Variants in DOP1A observed in about 807,000 individuals in gnomAD.
DOP1A encodes the protein protein DOP1A.
In DOP1A, 90 loss-of-function variants were observed where a neutral mutation model predicts 267.6. The observed-to-expected ratio is 0.34, with a 90% CI of 0.28 to 0.40. The LOEUF is 0.40. DOP1A is among the 10% of genes least tolerant of loss of function. The pLI is 1.00. For missense variants in DOP1A, 2,437 were observed against 2,900.4 expected, an observed-to-expected ratio of 0.84 and a Z score of 3.67; for synonymous variants, 932 against 999.1, an observed-to-expected ratio of 0.93 and a Z score of 1.27.
At chr6:83,153,761 T>C in intron 31 of DOP1A, 133 bp from the exon 32 acceptor site, 1 of 1,173,818 alleles carries the variant, frequency 8.5e-7, no homozygotes, top group Non-Finnish European at 1.2e-6. Flanking sequence ...AATTCATATA[T>C]TATTTTTCTT....
At chr6:83,165,290 A>T (rs1785204153) in intron 38 of DOP1A, 1 of 152,484 alleles carries the variant, frequency 6.6e-6, no homozygotes. Context: ...TCTAGACTGG[A>T]AGCTAAATAA....
Position 83,134,347 on chromosome 6 carries a change from T to A in DOP1A, c.2870+60T>A, listed in dbSNP as rs1224083849. 2.8e-6 allele frequency: 4 copies of A among 1,407,948 alleles called. No individual in the cohort carries two copies. The East Asian group carries it at 9.5e-5, about 34-fold the overall frequency. 87.2% of individuals were successfully genotyped at this position (1,407,948 alleles called of 1,614,324 possible). A position where few individuals can be genotyped will look rare whatever the true frequency, so the allele number is the denominator to read the frequency against. Reference sequence around the variant, plus strand: ...TATATCTTAATGTTGCCTCTTTCCTTGAGTCCACTGTCTAGCTTGGCAAGT... The same window carrying A: ...TATATCTTAATGTTGCCTCTTTCCTAGAGTCCACTGTCTAGCTTGGCAAGT... On this transcript the variant is annotated intron_variant, in intron 19 of 38. Transcript: ENST00000349129.
intron 1 of DOP1A, among the ~76,000 whole-genome samples, chr6:83,075,780 C>T (rs1167542609): frequency 2.0e-5 from 3 of 152,124 alleles, no homozygotes; most frequent in Non-Finnish European, 1.5e-5. Context: ...TTGGGAAAAA[C>T]TGATATCCCT....
At chr6:83,124,219 G>A (rs1363741235) in intron 12 of DOP1A, among the ~76,000 whole-genome samples, 12 of 152,060 alleles carry the variant, frequency 7.9e-5, no homozygotes, top group Non-Finnish European at 1.5e-4. Flanking sequence ...TTTGTTGGAG[G>A]AATGATCTCT....
rs901097595 is a variant in DOP1A at position 83,145,404 on chromosome 6, A to G, written c.5542-120A>G. 4 of 899,456 alleles carry G rather than the reference A, an allele frequency of 4.4e-6. No individual in the cohort carries two copies. In the African/African-American group the frequency reaches 5.4e-5, roughly 12 times the overall value. 55.7% of individuals were successfully genotyped at this position (899,456 alleles called of 1,614,324 possible). A position where few individuals can be genotyped will look rare whatever the true frequency, so the allele number is the denominator to read the frequency against. On this transcript the variant is annotated intron_variant, in intron 24 of 38. Transcript: ENST00000349129. The stretch of plus-strand genomic sequence containing the variant: ...TTGAGACCAGGCTGGGCAAAATAGC[A>G]AGACCTCATCTCCATTTAAAAAATA...
At position 83,097,099 on chromosome 6, in the gene DOP1A, T is replaced by C. The variant is rs1208833670; in HGVS notation, c.122T>C (p.Leu41Pro). The stretch of plus-strand genomic sequence containing the variant: ...GAATGGGCAGATTTGATATCAGCAC[T>C]TGGAAAACTTAATAAGGTATGTCTG... The part of the protein sequence containing the change: ...SSEWADLISA[L>P]GKLNKVLQNN... The change falls in exon 3 of 39, where the codon CTT becomes CCT. Residue 41 changes from leucine to proline, a missense_variant. By Grantham distance (98) the Leu-to-Pro change is moderately conservative. Transcript: ENST00000349129. 6.2e-7 allele frequency: 1 copy of C among 1,614,004 alleles called. No homozygotes were observed. The highest frequency in any genetic ancestry group is 1.7e-5 in the Admixed American group (1 of 60,016).
intron 37 of DOP1A, chr6:83,161,280 G>GT (rs554757825): frequency 6.6e-5 from 10 of 152,038 alleles, no homozygotes; most frequent in Non-Finnish European, 1.5e-4. Flanking sequence ...ATATTAATTA[G>GT]TTTTTTAAAA....
intron 27 of DOP1A, 150 bp downstream of exon 27, chr6:83,149,013 G>C (rs1781074744): frequency 2.2e-6 from 1 of 457,914 alleles, no homozygotes. Context: ...TATAAGGCCT[G>C]TTTAAGAAAA....
chr6:83,076,207 T>C lies in DOP1A; in HGVS notation c.-147+8428T>C, dbSNP rs540918418. On this transcript the variant is annotated intron_variant, in intron 1 of 38. Transcript: ENST00000349129. ...AATAGACATTTTTCCAAAGATGATATATAAATGGCCAGCAAACATATGAAA... is the reference window on the plus strand; with the variant it reads ...AATAGACATTTTTCCAAAGATGATACATAAATGGCCAGCAAACATATGAAA... Among the ~76,000 whole-genome samples the C allele has an allele frequency of 3.3e-5, 5 of 152,272 alleles. No homozygotes were observed. In the East Asian group the frequency reaches 9.6e-4, roughly 29 times the overall value.
chr6:83,130,295 A>G lies in DOP1A; in HGVS notation c.2514A>G (p.Ala838=). 1 of 1,614,006 alleles carries G rather than the reference A, an allele frequency of 6.2e-7. No individual in the cohort carries two copies. The highest frequency in any genetic ancestry group is 1.1e-5 in the South Asian group (1 of 91,076). The change falls in exon 17 of 39, where the codon GCA becomes GCG. Residue 838 remains alanine, a synonymous_variant. Transcript: ENST00000349129. ...TGENINSVEP[A]QPLSPNQGRV... ...AAAACATCAACAGTGTAGAGCCTGC[A>G]CAACCCTTAAGTCCAAACCAGGGAA...
intron 5 of DOP1A, among the ~76,000 whole-genome samples, chr6:83,109,845 TTTG>T (rs571047057): frequency 1.7e-4 from 26 of 152,272 alleles, no homozygotes; most frequent in Admixed American, 1.3e-3. Flanking sequence ...GGTGGAGTGT[TTTG>T]TTGTTGTTGT....
intron 13 of DOP1A, 130 bp from the exon 14 acceptor site, chr6:83,125,036 A>G (rs1776933738): frequency 4.3e-6 from 4 of 920,716 alleles, no homozygotes; most frequent in Non-Finnish European, 6.6e-6. Context: ...ATGTTATAAA[A>G]TCTTAACTGT....
At position 83,110,183 on chromosome 6, in the gene DOP1A, G is replaced by A. The variant is rs1774312293; in HGVS notation, c.550G>A (p.Ala184Thr). 6.2e-7 allele frequency: 1 copy of A among 1,613,760 alleles called. No homozygotes were observed. The highest frequency in any genetic ancestry group is 8.5e-7 in the Non-Finnish European group (1 of 1,179,854). ...TGTGGACCAGTCAGCATTCTACAGTGCCCTGTGGGGTAGTCTTCTCACCAG... is the reference window on the plus strand; with the variant it reads ...TGTGGACCAGTCAGCATTCTACAGTACCCTGTGGGGTAGTCTTCTCACCAG... ...AAVDQSAFYS[A>T]LWGSLLTSPA... The change falls in exon 6 of 39, where the codon GCC (alanine) becomes ACC (threonine). Residue 184 changes from alanine (A) to threonine (T), a missense_variant. Physicochemically the swap from Ala to Thr is moderately conservative, Grantham distance 58. Around this residue, in one of 9 missense-constraint regions of DOP1A, gnomAD observed 251 missense variants for 359.1 expected, o/e 0.70. Transcript: ENST00000349129.
chr6:83,089,072 C>T (rs546816592), intron 1 of DOP1A, among the ~76,000 whole-genome samples: 1 of 152,262 alleles, frequency 6.6e-6, no homozygotes, highest in South Asian at 2.1e-4. Flanking sequence ...AACACTTAGT[C>T]CCCAGATACA....
chr6:83,162,701 G>A, intron 37 of DOP1A, 89 bp from the exon 38 acceptor site: 2 of 1,412,468 alleles, frequency 1.4e-6, no homozygotes, highest in Middle Eastern at 1.9e-4. Context: ...AAGCAGTGGG[G>A]TCATGATCTT....
At position 83,125,152 on chromosome 6, in the gene DOP1A, T is replaced by C. The variant is rs1197962472; in HGVS notation, c.1456-14T>C. The C allele has an allele frequency of 6.3e-7, 1 of 1,579,752 alleles. No homozygotes were observed. The highest frequency in any genetic ancestry group is 8.5e-7 in the Non-Finnish European group (1 of 1,170,552). ...TGTTTTCTCTCCTCACTTCTTTGCT[T>C]TCTCATTTTGAAGCCTACTAGAAGT... On this transcript the variant is annotated splice_polypyrimidine_tract_variant and intron_variant, in intron 13 of 38. Coordinates refer to ENST00000349129, the MANE Select transcript of DOP1A (RefSeq NM_015018.4).
chr6:83,103,109 A>G (rs1371442936), intron 4 of DOP1A, among the ~76,000 whole-genome samples: 1 of 152,080 alleles, frequency 6.6e-6, no homozygotes, highest in Non-Finnish European at 1.5e-5. Context: ...TATTATTATT[A>G]TTTATCCTGT....
intron 1 of DOP1A, among the ~76,000 whole-genome samples, chr6:83,077,676 A>C (rs1161644245): frequency 6.6e-6 from 1 of 152,132 alleles, no homozygotes; most frequent in Non-Finnish European, 1.5e-5. Context: ...ACCTTGTCTC[A>C]AAAAAATAAA....
chr6:83,159,329 A>G (rs765604487), intron 36 of DOP1A, among the ~76,000 whole-genome samples: 1 of 152,106 alleles, frequency 6.6e-6, no homozygotes, highest in Non-Finnish European at 1.5e-5. Context: ...GCTGGAATGC[A>G]GTGGTGTGAT....
Sources: allele counts gnomAD v4.1 joint callset (sites outside exome capture counted in the v4.1 genomes callset), GRCh38; gene constraint gnomAD v4.1.1; regional missense constraint gnomAD v4.1.1; transcripts MANE v1.5; gene names NCBI Gene and HGNC (gene_info 2026-07-23, HGNC 2026-07-21).